Variants in RALYL observed in about 807,000 individuals in gnomAD.
RALYL encodes the protein RNA-binding Raly-like protein.
Under a neutral mutation model 35.1 loss-of-function variants are expected in RALYL, and 29 were observed. The ratio of observed to expected loss-of-function variants is 0.83; its 90% CI spans 0.61 to 1.13. RALYL has a LOEUF of 1.13. Ranked by LOEUF, RALYL falls within the 50% of genes most tolerant of loss-of-function variation. The pLI is 0.00. For synonymous variants in RALYL, 120 were observed against 127.6 expected (o/e 0.94, Z 0.40); for missense variants, 359 against 360.4 (o/e 1.00, Z 0.03).
At chr8:84,768,254 C>T (rs1814586351) in intron 2 of RALYL, among the ~76,000 whole-genome samples, 1 of 152,124 alleles carries the variant, frequency 6.6e-6, no homozygotes, top group Non-Finnish European at 1.5e-5. Flanking sequence ...CCTTCAAGGC[C>T]AACAGCTCTT....
At chr8:84,851,655 A>C (rs1835888323) in intron 5 of RALYL, among the ~76,000 whole-genome samples, 1 of 152,198 alleles carries the variant, frequency 6.6e-6, no homozygotes, top group African/African-American at 2.4e-5. Context: ...TCTCTGCTCC[A>C]GCCTCTAGGG....
At chr8:84,490,692 TA>T (rs1335823753) in intron 1 of RALYL, among the ~76,000 whole-genome samples, 5 of 150,812 alleles carry the variant, frequency 3.3e-5, no homozygotes, top group African/African-American at 4.9e-5. Flanking sequence ...AAGATGTGGG[TA>T]TTTTTTTATA....
rs555431031 is a variant in RALYL at position 84,841,336 on chromosome 8, G to C, written c.366-8644G>C. ...TGCAATCCTAGTCTCTGATAAAACA[G>C]ACTTTAAACCAACAAAGATCAAAAG... On this transcript the variant is annotated intron_variant, in intron 4 of 8. Transcript: ENST00000521268. 7.3e-3 allele frequency among the ~76,000 whole-genome samples: 1,104 copies of C among 152,164 alleles called. 16 individuals are homozygous for C. The highest frequency in any genetic ancestry group is 0.025 in the African/African-American group (1,037 of 41,500).
chr8:84,640,549 T>A lies in RALYL; in HGVS notation c.256+110972T>A, dbSNP rs945741356. 2.0e-5 allele frequency among the ~76,000 whole-genome samples: 3 copies of A among 151,912 alleles called. No homozygotes were observed. The South Asian group carries it at 6.2e-4, about 31-fold the overall frequency. On this transcript the variant is annotated intron_variant, in intron 2 of 8. Coordinates refer to ENST00000521268, the MANE Select transcript of RALYL (RefSeq NM_173848.7). Reference sequence around the variant, plus strand: ...GATTACATTCAAAAATTTAGACATATCAAGAAAAGCCAAGATGACAAAATC... The same window carrying A: ...GATTACATTCAAAAATTTAGACATAACAAGAAAAGCCAAGATGACAAAATC...
intron 2 of RALYL, among the ~76,000 whole-genome samples, chr8:84,747,114 A>G (rs1808783805): frequency 6.6e-6 from 1 of 151,926 alleles, no homozygotes; most frequent in South Asian, 2.1e-4. Context: ...AGTTAAAATT[A>G]GACTGTGAAG....
At position 84,210,979 on chromosome 8, in the gene RALYL, T is replaced by G. The variant is rs193165651; in HGVS notation, c.-24+26555T>G. 1.8e-3 allele frequency among the ~76,000 whole-genome samples: 271 copies of G among 152,200 alleles called. 3 individuals are homozygous for G. The highest frequency in any genetic ancestry group is 1.6e-4 in the Non-Finnish European group (11 of 67,986). ...GCAGTTTTCTATAATGTTTAAATAT[T>G]GGCTAGTTTCTTAATACTTTTTTAT... is the stretch of plus-strand genomic sequence containing the variant. On this transcript the variant is annotated intron_variant, in intron 1 of 8. Coordinates refer to ENST00000521268, the MANE Select transcript of RALYL (RefSeq NM_173848.7).
At chr8:84,354,224 G>T (rs563845544) in intron 1 of RALYL, among the ~76,000 whole-genome samples, 25 of 150,240 alleles carry the variant, frequency 1.7e-4, no homozygotes, top group Non-Finnish European at 3.0e-4. Flanking sequence ...GCTGGAAGTT[G>T]CTAGTTACTA....
intron 1 of RALYL, among the ~76,000 whole-genome samples, chr8:84,503,366 C>T (rs1001385813): frequency 2.0e-5 from 3 of 151,002 alleles, no homozygotes; most frequent in Non-Finnish European, 3.0e-5. Flanking sequence ...CTATGTTGCC[C>T]AGGCTAGTAT....
chr8:84,769,125 C>T (rs185249364), intron 2 of RALYL, among the ~76,000 whole-genome samples: 5 of 152,250 alleles, frequency 3.3e-5, no homozygotes, highest in East Asian at 3.9e-4. Context: ...TATTTTCATG[C>T]GCATGTGCCC....
At chr8:84,755,514 C>T (rs139970949) in intron 2 of RALYL, among the ~76,000 whole-genome samples, 2 of 152,220 alleles carry the variant, frequency 1.3e-5, no homozygotes, top group African/African-American at 4.8e-5. Flanking sequence ...CAGTTCAGTC[C>T]TGTGACATCA....
chr8:84,789,615 C>T (rs901918), intron 3 of RALYL, among the ~76,000 whole-genome samples: 41,589 of 151,922 alleles, frequency 0.27, 6,132 homozygotes, highest in African/African-American at 0.36. Flanking sequence ...CCCAGTACTT[C>T]GGGAGGCTAA....
At chr8:84,731,215 A>C (rs1846117754) in intron 2 of RALYL, among the ~76,000 whole-genome samples, 1 of 152,148 alleles carries the variant, frequency 6.6e-6, no homozygotes, top group African/African-American at 2.4e-5. Flanking sequence ...GTGGAGACAG[A>C]GTCTGTAGAA....
At chr8:84,689,460 C>A (rs984954946) in intron 2 of RALYL, among the ~76,000 whole-genome samples, 31 of 152,312 alleles carry the variant, frequency 2.0e-4, no homozygotes, top group African/African-American at 7.5e-4. Context: ...GCCACATTTT[C>A]TTAATCCAGT....
intron 1 of RALYL, among the ~76,000 whole-genome samples, chr8:84,417,268 T>C (rs2044823512): frequency 6.6e-6 from 1 of 152,150 alleles, no homozygotes; most frequent in Non-Finnish European, 1.5e-5. Flanking sequence ...TTTAAAAATA[T>C]AACAAGAGAG....
At chr8:84,552,453 ACT>A (rs1217607475) in intron 2 of RALYL, among the ~76,000 whole-genome samples, 15 of 135,576 alleles carry the variant, frequency 1.1e-4, no homozygotes, top group African/African-American at 4.2e-4. Flanking sequence ...TAACTGGATG[ACT>A]CTGTCTCCAA....
intron 2 of RALYL, among the ~76,000 whole-genome samples, chr8:84,640,248 C>A (rs1485572377): frequency 6.6e-6 from 1 of 151,812 alleles, no homozygotes; most frequent in East Asian, 1.9e-4. Context: ...AACATTAATT[C>A]TTTTAAATAT....
chr8:84,485,885 GTCCACAT>G (rs2054556817), intron 1 of RALYL, among the ~76,000 whole-genome samples: 2 of 151,850 alleles, frequency 1.3e-5, no homozygotes, highest in African/African-American at 4.8e-5. Context: ...CCTAATCAGT[GTCCACAT>G]TCTACTGTTG....
intron 2 of RALYL, among the ~76,000 whole-genome samples, chr8:84,564,240 C>T (rs1056048718): frequency 7.3e-5 from 11 of 151,662 alleles, no homozygotes; most frequent in African/African-American, 2.7e-4. Flanking sequence ...CTTATGTACA[C>T]TATGAAATAG....
chr8:84,834,672 G>A (rs1831591004), intron 4 of RALYL, among the ~76,000 whole-genome samples: 1 of 152,166 alleles, frequency 6.6e-6, no homozygotes, highest in South Asian at 2.1e-4. Context: ...TCAAAAAAAG[G>A]GTAGATTTAG....
Sources: gnomAD v4.1 joint callset for allele counts (sites outside exome capture counted in the v4.1 genomes callset) on GRCh38, gnomAD v4.1.1 for gene constraint, MANE v1.5 for transcripts, NCBI Gene and HGNC (gene_info 2026-07-23, HGNC 2026-07-21) for gene names.